The following LOXHD1 variants were observed in gnomAD, a reference collection of about 807,000 sequenced individuals.
LOXHD1 encodes the protein lipoxygenase homology domain-containing protein 1.
Under a neutral mutation model 248.2 loss-of-function variants are expected in LOXHD1, and 205 were observed. The observed-to-expected ratio is 0.83, with a 90% CI of 0.74 to 0.93. The LOEUF (loss-of-function observed/expected upper bound fraction) is 0.93. Ranked by LOEUF, LOXHD1 falls within the 40% of genes least tolerant of loss-of-function variation. The pLI, the probability that LOXHD1 is intolerant of heterozygous loss-of-function variation, is 0.00. For missense variants in LOXHD1, 2,930 were observed against 2,971.6 expected (o/e 0.99, Z 0.33); for synonymous variants, 1,113 against 1,162.8 (o/e 0.96, Z 0.87).
In LOXHD1 at chr18:46,656,878, G is replaced by C. The variant is rs528941267; in HGVS notation, c.130+26C>G. On this transcript the variant is annotated intron_variant, in intron 1 of 40. Transcript: ENST00000642948. ...CCCACCGCAGCCAGCTGCACCACCCGCCCCCCGCAGGCTGGGACCCCGCAC... is the reference window on the plus strand; with the variant it reads ...CCCACCGCAGCCAGCTGCACCACCCCCCCCCCGCAGGCTGGGACCCCGCAC... 2.6e-6 allele frequency: 4 copies of C among 1,548,076 alleles called. No individual in the cohort carries two copies. In the African/African-American group the frequency reaches 5.5e-5, roughly 21 times the overall value.
chr18:46,634,965 A>C (rs935959650), intron 4 of LOXHD1, among the ~76,000 whole-genome samples: 2 of 152,126 alleles, frequency 1.3e-5, no homozygotes, highest in African/African-American at 2.4e-5. Flanking sequence ...ATATTTTACC[A>C]CAATTTTTTT....
chr18:46,642,943 T>C (rs978470312), intron 2 of LOXHD1, among the ~76,000 whole-genome samples: 1 of 152,132 alleles, frequency 6.6e-6, no homozygotes, highest in Non-Finnish European at 1.5e-5. Context: ...AGCACACAGC[T>C]CATGGGAAAG....
intron 29 of LOXHD1, among the ~76,000 whole-genome samples, chr18:46,528,589 C>T (rs2035925148): frequency 6.6e-6 from 1 of 152,154 alleles, no homozygotes; most frequent in Non-Finnish European, 1.5e-5. Context: ...CAAAGTGGAT[C>T]CACCTGGGAG....
intron 12 of LOXHD1, among the ~76,000 whole-genome samples, chr18:46,589,333 C>G (rs563441673): frequency 7.2e-5 from 11 of 152,270 alleles, no homozygotes; most frequent in East Asian, 3.9e-4. Context: ...CCAATAAATA[C>G]GAAGGGCTGT....
At chr18:46,514,938 T>A (rs2035168003) in intron 34 of LOXHD1, among the ~76,000 whole-genome samples, 1 of 152,184 alleles carries the variant, frequency 6.6e-6, no homozygotes, top group South Asian at 2.1e-4. Context: ...TAGAGACTCA[T>A]CTCCTGAGAG....
chr18:46,649,127 A>G, intron 2 of LOXHD1, 28 bp downstream of exon 2: 2 of 1,525,292 alleles, frequency 1.3e-6, no homozygotes. Flanking sequence ...ATGGCCCAGG[A>G]TCCCACCAAG....
At chr18:46,518,041 T>G in intron 34 of LOXHD1, 88 bp downstream of exon 34, 25 of 1,497,562 alleles carry the variant, frequency 1.7e-5, no homozygotes, top group South Asian at 2.4e-5. Context: ...AGCGGGCATG[T>G]GAGAATCAGC....
intron 4 of LOXHD1, among the ~76,000 whole-genome samples, chr18:46,624,284 G>A (rs551147242): frequency 6.6e-6 from 1 of 152,316 alleles, no homozygotes; most frequent in South Asian, 2.1e-4. Flanking sequence ...GCGCTGCGTA[G>A]GAGGAGATGA....
chr18:46,497,885 G>C (rs574970238), intron 37 of LOXHD1, among the ~76,000 whole-genome samples: 3 of 152,324 alleles, frequency 2.0e-5, no homozygotes, highest in Admixed American at 6.5e-5. Context: ...CTAAACCACA[G>C]ACAGGCAGAT....
chr18:46,635,892 G>A (rs1457945224), intron 4 of LOXHD1, among the ~76,000 whole-genome samples: 2 of 152,074 alleles, frequency 1.3e-5, no homozygotes, highest in Non-Finnish European at 2.9e-5. Context: ...CCCCCTAGAT[G>A]GATTGAGGGA....
At chr18:46,521,918 C>T (rs2035594453) in intron 32 of LOXHD1, among the ~76,000 whole-genome samples, 183 bp downstream of exon 32, 1 of 152,286 alleles carries the variant, frequency 6.6e-6, no homozygotes, top group African/African-American at 2.4e-5. Context: ...AAGACAGACA[C>T]ACAGAGGGGC....
At chr18:46,508,134 A>C (rs920724471) in intron 35 of LOXHD1, among the ~76,000 whole-genome samples, 1 of 152,174 alleles carries the variant, frequency 6.6e-6, no homozygotes, top group African/African-American at 2.4e-5. Context: ...TGACTCAAGA[A>C]AGTCTGCTAA....
chr18:46,485,839 C>G (rs372644161), intron 38 of LOXHD1, among the ~76,000 whole-genome samples: 1 of 152,038 alleles, frequency 6.6e-6, no homozygotes, highest in Non-Finnish European at 1.5e-5. Flanking sequence ...CCTCTCCCAC[C>G]TTGTGTCCTG....
At position 46,594,223 on chromosome 18, in the gene LOXHD1, G is replaced by C; in HGVS notation, c.1270+108C>G. On this transcript the variant is annotated intron_variant, in intron 9 of 40. Coordinates refer to ENST00000642948, the MANE Select transcript of LOXHD1 (RefSeq NM_001384474.1). ...TTTCCTTCCTTTCTGGAGGAGACTT[G>C]AGAAGCAGGAGTGGACTGCCCTCAT... 6 of 1,390,622 alleles carry C rather than the reference G, an allele frequency of 4.3e-6. No individual in the cohort carries two copies. In the South Asian group the frequency reaches 8.2e-5, roughly 19 times the overall value. 86.1% of individuals were successfully genotyped at this position (1,390,622 alleles called of 1,614,324 possible).
rs16939645 is a variant in LOXHD1 at position 46,576,288 on chromosome 18, C to T, written c.1970+1419G>A. ...CTCTGATCCAGGATGGGGGTGAAAA[C>T]GCCAGTAATGACTTGAAGCGAGGCT... On this transcript the variant is annotated intron_variant, in intron 14 of 40. Coordinates refer to ENST00000642948, the MANE Select transcript of LOXHD1 (RefSeq NM_001384474.1). 7.2e-3 allele frequency among the ~76,000 whole-genome samples: 1,094 copies of T among 152,290 alleles called. 4 individuals carry two copies. The highest frequency in any genetic ancestry group is 0.012 in the Non-Finnish European group (798 of 68,020).
rs1364811787 is a variant in LOXHD1 at position 46,514,783 on chromosome 18, A to T, written c.5399+3346T>A. On this transcript the variant is annotated intron_variant, in intron 34 of 40. Coordinates refer to ENST00000642948, the MANE Select transcript of LOXHD1 (RefSeq NM_001384474.1). Reference sequence around the variant, plus strand: ...CAAAATCCTTTTTGTGTCCAGTCTAAGGAAGCTCCCATTTCACTAGGTTTC... The same window carrying T: ...CAAAATCCTTTTTGTGTCCAGTCTATGGAAGCTCCCATTTCACTAGGTTTC... Among the ~76,000 whole-genome samples the T allele has an allele frequency of 2.0e-5, 3 of 152,178 alleles. No homozygotes were observed. The East Asian group carries it at 5.8e-4, about 29-fold the overall frequency.
intron 4 of LOXHD1, among the ~76,000 whole-genome samples, chr18:46,628,478 G>A (rs374008592): frequency 7.8e-4 from 119 of 152,334 alleles, no homozygotes; most frequent in African/African-American, 2.8e-3. Flanking sequence ...GAGAGCCCTG[G>A]AGAGTGCTCC....
chr18:46,593,469 TAA>T, intron 10 of LOXHD1, 129 bp downstream of exon 10: 1 of 1,014,284 alleles, frequency 9.9e-7, no homozygotes, highest in Non-Finnish European at 1.4e-6. Context: ...TGCAGGGACC[TAA>T]AATCTCCATC....
At chr18:46,564,425 A>G (rs2037596392) in intron 17 of LOXHD1, among the ~76,000 whole-genome samples, 1 of 152,126 alleles carries the variant, frequency 6.6e-6, no homozygotes, top group South Asian at 2.1e-4. Context: ...CCAGCTACTC[A>G]AGAGGCTGAG....
Sources: gnomAD v4.1 joint callset for allele counts (sites outside exome capture counted in the v4.1 genomes callset) on GRCh38, gnomAD v4.1.1 for gene constraint, MANE v1.5 for transcripts, NCBI Gene and HGNC (gene_info 2026-07-23, HGNC 2026-07-21) for gene names.